The following ANK3 variants were observed in gnomAD, a reference collection of about 807,000 sequenced individuals.
ANK3 encodes ankyrin 3.
ANK3 carries 57 observed loss-of-function variants against 370.9 expected under a neutral mutation model. The observed-to-expected ratio is 0.15, with a 90% CI of 0.12 to 0.19. The LOEUF (loss-of-function observed/expected upper bound fraction) is 0.19, where lower values mean the gene tolerates loss of function less well. Among genes scored for constraint, ANK3 ranks in the 10% least tolerant of loss-of-function variants. The pLI is 1.00. For synonymous variants in ANK3, 1,929 were observed against 1,946.3 expected (o/e 0.99, Z 0.23); for missense variants, 4,439 against 5,302.1 (o/e 0.84, Z 5.06).
chr10:60,657,432 A>G (rs894324434), intron 1 of ANK3, among the ~76,000 whole-genome samples: 5 of 152,172 alleles, frequency 3.3e-5, no homozygotes, highest in African/African-American at 9.7e-5. Flanking sequence ...TTACAGGTGC[A>G]TGCATCATGC....
At chr10:60,583,144 G>A (rs1253176334) in intron 2 of ANK3, among the ~76,000 whole-genome samples, 1 of 152,086 alleles carries the variant, frequency 6.6e-6, no homozygotes, top group Non-Finnish European at 1.5e-5. Context: ...ATAAACTGTG[G>A]TACATATGCA....
At chr10:60,393,115 G>T (rs2063146978), upstream of ANK3, among the ~76,000 whole-genome samples, 1 of 152,192 alleles carries the variant, frequency 6.6e-6, no homozygotes, top group Admixed American at 6.5e-5. Flanking sequence ...TTTATTAGCT[G>T]AAGAAATCAT....
intron 42 of ANK3, among the ~76,000 whole-genome samples, chr10:60,049,699 AT>A (rs2077574327): frequency 6.6e-6 from 1 of 152,202 alleles, no homozygotes; most frequent in African/African-American, 2.4e-5. Context: ...TTAATATGTT[AT>A]AATCATATTT....
At chr10:60,269,150 A>T (rs1407172365) in intron 5 of ANK3, among the ~76,000 whole-genome samples, 1 of 152,188 alleles carries the variant, frequency 6.6e-6, no homozygotes, top group African/African-American at 2.4e-5. Flanking sequence ...TCAAATATTG[A>T]TCCTTTATTA....
At chr10:60,470,235 T>C (rs1330015280) in intron 2 of ANK3, among the ~76,000 whole-genome samples, 1 of 152,106 alleles carries the variant, frequency 6.6e-6, no homozygotes, top group African/African-American at 2.4e-5. Flanking sequence ...CAGCTCTTTG[T>C]TGTTATTTTA....
At chr10:60,171,392 C>T (rs935760387) in intron 21 of ANK3, among the ~76,000 whole-genome samples, 4 of 152,180 alleles carry the variant, frequency 2.6e-5, no homozygotes, top group Non-Finnish European at 4.4e-5. Flanking sequence ...GACCTTCAAC[C>T]CATGTTTTTC....
chr10:60,629,998 C>A (rs2078460880), intron 1 of ANK3, among the ~76,000 whole-genome samples: 1 of 151,974 alleles, frequency 6.6e-6, no homozygotes, highest in Non-Finnish European at 1.5e-5. Context: ...AGTTCCTATT[C>A]TTTTCAAGAG....
chr10:60,608,858 T>C (rs1191141069), intron 2 of ANK3, among the ~76,000 whole-genome samples: 1 of 152,206 alleles, frequency 6.6e-6, no homozygotes, highest in African/African-American at 2.4e-5. Flanking sequence ...GTCAGGGAGA[T>C]GGGCATAGGA....
intron 1 of ANK3, among the ~76,000 whole-genome samples, chr10:60,668,411 C>T (rs2079025215): frequency 1.3e-5 from 2 of 151,438 alleles, no homozygotes; most frequent in African/African-American, 4.9e-5. Context: ...GCACAGCAAT[C>T]CACAGAGGCC....
At chr10:60,470,039 G>A (rs917820229) in intron 2 of ANK3, among the ~76,000 whole-genome samples, 4 of 151,958 alleles carry the variant, frequency 2.6e-5, no homozygotes, top group South Asian at 2.1e-4. Context: ...GAGCAGAATC[G>A]GAGTTGAATA....
Position 60,203,086 on chromosome 10 carries a change from T to C in ANK3, c.1308A>G (p.Pro436=), listed in dbSNP as rs565451849. The C allele has an allele frequency of 1.9e-6, 3 of 1,613,758 alleles. No homozygotes were observed. The African/African-American group carries it at 4.0e-5, about 22-fold the overall frequency. The change falls in exon 12 of 44, where the codon CCA becomes CCG. Residue 436 remains proline, a synonymous_variant. Coordinates refer to ENST00000280772, the MANE Select transcript of ANK3 (RefSeq NM_020987.5). ...GCCCCATGAAGGCAGCAACATGGATTGGGGTAAGGCCCGACTAAGGGGAAA... is the reference window on the plus strand; with the variant it reads ...GCCCCATGAAGGCAGCAACATGGATCGGGGTAAGGCCCGACTAAGGGGAAA... ...IQAVTESGLT[P]IHVAAFMGHV...
At chr10:60,161,873 TAAC>T (rs1462414972) in intron 23 of ANK3, among the ~76,000 whole-genome samples, 1 of 150,462 alleles carries the variant, frequency 6.6e-6, no homozygotes, top group Non-Finnish European at 1.5e-5. Flanking sequence ...AATTTATAGT[TAAC>T]AATATATTTC....
intron 2 of ANK3, among the ~76,000 whole-genome samples, chr10:60,399,994 C>T (rs77673092): frequency 6.8e-6 from 1 of 148,148 alleles, no homozygotes; most frequent in Non-Finnish European, 1.5e-5. Flanking sequence ...AAATATAAAT[C>T]AAAACCTCCA....
intron 1 of ANK3, among the ~76,000 whole-genome samples, chr10:60,318,004 T>G (rs2047830877): frequency 6.8e-6 from 1 of 147,818 alleles, no homozygotes; most frequent in Non-Finnish European, 1.5e-5. Context: ...TTCATAAGAT[T>G]ATAAAAAAAA....
At chr10:60,600,730 G>A (rs1029057162) in intron 2 of ANK3, among the ~76,000 whole-genome samples, 2 of 152,012 alleles carry the variant, frequency 1.3e-5, no homozygotes, top group East Asian at 3.9e-4. Context: ...AAGTTACAAG[G>A]TTATATGTAA....
At chr10:60,602,312 C>T (rs1434149204) in intron 2 of ANK3, among the ~76,000 whole-genome samples, 3 of 152,118 alleles carry the variant, frequency 2.0e-5, no homozygotes, top group Non-Finnish European at 2.9e-5. Context: ...TATCCTCCCT[C>T]CCCACAATAT....
intron 11 of ANK3, among the ~76,000 whole-genome samples, chr10:60,204,856 G>C (rs2096737283): frequency 6.6e-6 from 1 of 152,166 alleles, no homozygotes; most frequent in African/African-American, 2.4e-5. Context: ...TGTAGTCCAG[G>C]CTGGGGAGTG....
intron 2 of ANK3, among the ~76,000 whole-genome samples, chr10:60,601,794 GA>G (rs2078068356): frequency 1.3e-5 from 2 of 152,264 alleles, no homozygotes; most frequent in South Asian, 4.2e-4. Context: ...TACAATAGGG[GA>G]AACTGGGCAT....
At chr10:60,037,150 C>T (rs2075190594) in intron 43 of ANK3, among the ~76,000 whole-genome samples, 1 of 152,170 alleles carries the variant, frequency 6.6e-6, no homozygotes, top group African/African-American at 2.4e-5. Context: ...CAGCTGAAGC[C>T]ACCATTATGG....
Sources: gnomAD v4.1 joint callset for allele counts (sites outside exome capture counted in the v4.1 genomes callset) on GRCh38, gnomAD v4.1.1 for gene constraint, MANE v1.5 for transcripts, NCBI Gene and HGNC (gene_info 2026-07-23, HGNC 2026-07-21) for gene names.